The following SYCE1L variants were observed in gnomAD, a reference collection of about 807,000 sequenced individuals.
SYCE1L encodes the protein synaptonemal complex central element protein 1-like.
A neutral mutation model predicts 39.6 loss-of-function variants in SYCE1L; 51 were observed. That is an observed-to-expected ratio of 1.29 (90% confidence interval 1.03 to 1.63). SYCE1L has a LOEUF of 1.63. SYCE1L is among the 40% of genes most tolerant of loss of function. SYCE1L has a pLI of 0.00. For missense variants in SYCE1L, 426 were observed against 304.9 expected, an observed-to-expected ratio of 1.40 and a Z score of -2.96; for synonymous variants, 147 against 122.4, an observed-to-expected ratio of 1.20 and a Z score of -1.33.
At chr16:77,204,210 G>A (rs2054768732) in intron 1 of SYCE1L, among the ~76,000 whole-genome samples, 1 of 152,138 alleles carries the variant, frequency 6.6e-6, no homozygotes, top group Admixed American at 6.5e-5. Flanking sequence ...TAGCGTCTAG[G>A]TAGTACTCTA....
chr16:77,201,728 AGT>A (rs2054745392), intron 1 of SYCE1L: 1 of 152,194 alleles, frequency 6.6e-6, no homozygotes, highest in Non-Finnish European at 1.5e-5. Context: ...CATGCTGTGG[AGT>A]GTCTCTGTGG....
chr16:77,203,560 A>G (rs912954067), intron 1 of SYCE1L, among the ~76,000 whole-genome samples: 1 of 151,284 alleles, frequency 6.6e-6, no homozygotes, highest in African/African-American at 2.4e-5. Flanking sequence ...ACATGCTGTA[A>G]GTAATCCCCT....
chr16:77,212,760 C>T (rs1597040148), intron 10 of SYCE1L, 97 bp from the exon 11 acceptor site: 1 of 1,418,812 alleles, frequency 7.0e-7, no homozygotes, highest in East Asian at 2.7e-5. Flanking sequence ...AGGGCGGCCC[C>T]GGGGACAGAG....
rs147173054 is a variant in SYCE1L at position 77,203,404 on chromosome 16, T to C, written c.62-3037T>C. On this transcript the variant is annotated intron_variant, in intron 1 of 10. Transcript: ENST00000378644. ...CAAATTAAAATAATACATACTAATT[T>C]ATAAAGGATTTCAGGCCAAAAAAAA... Among the ~76,000 whole-genome samples, 337 of 130,396 alleles carry C rather than the reference T, an allele frequency of 2.6e-3. 2 individuals are homozygous for C. Among genetic ancestry groups the C allele is most frequent in the African/African-American group, 8.1e-3 (325 of 40,048 alleles). 85.5% of individuals were successfully genotyped at this position (130,396 alleles called of 152,430 possible).
rs1694615796 is a variant in SYCE1L at position 77,212,218 on chromosome 16, G to T, written c.493+19G>T. The T allele has an allele frequency of 1.3e-6, 2 of 1,544,862 alleles. No individual in the cohort carries two copies. The highest frequency in any genetic ancestry group is 2.4e-5 in the South Asian group (2 of 83,720). ...TCGGAGAGTGAGCCTCCCGCGCCAG[G>T]TGGGCGGGGGGAGGGGGATGTGCCC... On this transcript the variant is annotated intron_variant, in intron 8 of 10. Transcript: ENST00000378644.
At chr16:77,201,833 T>C (rs1166413312) in intron 1 of SYCE1L, 4 of 152,140 alleles carry the variant, frequency 2.6e-5, no homozygotes, top group Admixed American at 6.5e-5. Flanking sequence ...AATTATAAGT[T>C]GATAGGATTA....
rs2054838505 is a variant in SYCE1L, at chr16:77,213,088, C to A, written c.*157C>A. The A allele has an allele frequency of 1.3e-6, 1 of 761,662 alleles. No homozygotes were observed. Among genetic ancestry groups the A allele is most frequent in the Admixed American group, 3.9e-5 (1 of 25,656 alleles). The allele number at this position is 761,662 out of a possible 1,614,324, so 47.2% of individuals were successfully genotyped here. A position where few individuals can be genotyped will look rare whatever the true frequency, so the allele number is the denominator to read the frequency against. ...TCTCGAGGCGGGGCCTCTGCCGGACCCCTCCCACCAGTCGAGCCCCGGGCG... is the reference window on the plus strand; with the variant it reads ...TCTCGAGGCGGGGCCTCTGCCGGACACCTCCCACCAGTCGAGCCCCGGGCG... On this transcript the variant is annotated 3_prime_UTR_variant, in exon 11 of 11. Transcript: ENST00000378644.
At chr16:77,207,040 C>T (rs1437568410) in intron 2 of SYCE1L, among the ~76,000 whole-genome samples, 3 of 152,142 alleles carry the variant, frequency 2.0e-5, no homozygotes, top group Non-Finnish European at 2.9e-5. Context: ...GCAGCCTCCC[C>T]GCTCCCATTC....
At position 77,212,348 on chromosome 16, in the gene SYCE1L, G is replaced by A; in HGVS notation, c.560G>A (p.Gly187Asp). 6.5e-7 allele frequency: 1 copy of A among 1,527,738 alleles called. No individual in the cohort carries two copies. The highest frequency in any genetic ancestry group is 8.8e-7 in the Non-Finnish European group (1 of 1,138,714). 94.6% of individuals were successfully genotyped at this position (1,527,738 alleles called of 1,614,324 possible). A position where few individuals can be genotyped will look rare whatever the true frequency, so the allele number is the denominator to read the frequency against. ...RRLHSPPEVE[G>D]AMAVNDGLKA... ...CTGCACTCGCCGCCTGAGGTCGAGG[G>A]CGCCATGGCGGTGAATGACGGGTGA... The change falls in exon 9 of 11, where the codon GGC (glycine) becomes GAC (aspartate). Residue 187 changes from glycine (G) to aspartate (D), a missense_variant. Transcript: ENST00000378644.
At position 77,208,231 on chromosome 16, in the gene SYCE1L, T is replaced by C; in HGVS notation, c.143T>C (p.Ile48Thr). Residue 48 changes from isoleucine to threonine, a missense_variant, in exon 3 of 11, where the codon ATA becomes ACA. Coordinates refer to ENST00000378644, the MANE Select transcript of SYCE1L (RefSeq NM_001129979.3). ...LQKEGSLEPQ[I>T]EDLISRINDL... ...TCAGAGGGAAGCCTGGAGCCACAGA[T>C]AGAGGACCTGATTAGCCGGATTAAT... 2 of 1,551,692 alleles carry C rather than the reference T, an allele frequency of 1.3e-6. No individual in the cohort carries two copies. The highest frequency in any genetic ancestry group is 1.7e-6 in the Non-Finnish European group (2 of 1,146,994).
intron 6 of SYCE1L, among the ~76,000 whole-genome samples, chr16:77,210,712 T>G (rs1326802853): frequency 6.6e-6 from 1 of 152,020 alleles, no homozygotes; most frequent in African/African-American, 2.4e-5. Flanking sequence ...GAAGGCAGAG[T>G]TCATTCCATG....
In SYCE1L at chr16:77,213,124, G is replaced by A. The variant is rs2054839021; in HGVS notation, c.*193G>A. On this transcript the variant is annotated 3_prime_UTR_variant, in exon 11 of 11. Coordinates refer to ENST00000378644, the MANE Select transcript of SYCE1L (RefSeq NM_001129979.3). Reference sequence around the variant, plus strand: ...GTCGAGCCCCGGGCGCCGTACAGAGGCTGGGTAAATGCTCCTGAACTCAGA... The same window carrying A: ...GTCGAGCCCCGGGCGCCGTACAGAGACTGGGTAAATGCTCCTGAACTCAGA... 4.1e-6 allele frequency: 2 copies of A among 488,522 alleles called. No homozygotes were observed. The highest frequency in any genetic ancestry group is 6.9e-6 in the Non-Finnish European group (2 of 291,896). 30.3% of individuals were successfully genotyped at this position (488,522 alleles called of 1,614,324 possible).
intron 1 of SYCE1L, chr16:77,200,232 G>GTGTC (rs1356340224): frequency 1.5e-5 from 2 of 132,130 alleles, no homozygotes; most frequent in African/African-American, 5.7e-5. Flanking sequence ...GTATGTGTGT[G>GTGTC]TATATATATA....
At position 77,212,949 on chromosome 16, in the gene SYCE1L, G is replaced by A; in HGVS notation, c.*18G>A. On this transcript the variant is annotated 3_prime_UTR_variant, in exon 11 of 11. Transcript: ENST00000378644. The stretch of plus-strand genomic sequence containing the variant: ...CCCTCTAGGCCAGCAGGACCCGCCC[G>A]TTCCCGACCTTCCCTCGAGACCCGC... 6.7e-7 allele frequency: 1 copy of A among 1,484,342 alleles called. No individual in the cohort carries two copies. 91.9% of individuals were successfully genotyped at this position (1,484,342 alleles called of 1,614,324 possible). A position where few individuals can be genotyped will look rare whatever the true frequency, so the allele number is the denominator to read the frequency against.
intron 1 of SYCE1L, among the ~76,000 whole-genome samples, chr16:77,205,106 A>T (rs141838774): frequency 3.5e-4 from 53 of 151,742 alleles, no homozygotes; most frequent in African/African-American, 1.1e-3. Flanking sequence ...TATACATTGA[A>T]TTATCTCCAG....
chr16:77,212,810 C>T (rs576192740), intron 10 of SYCE1L, 47 bp from the exon 11 acceptor site: 11 of 1,436,974 alleles, frequency 7.7e-6, no homozygotes, highest in Non-Finnish European at 1.0e-5. Flanking sequence ...CGGGCGGACG[C>T]GAGGAGCGTA....
intron 10 of SYCE1L, 65 bp from the exon 11 acceptor site, chr16:77,212,792 G>T (rs2054835042): frequency 7.0e-7 from 1 of 1,433,548 alleles, no homozygotes; most frequent in South Asian, 1.4e-5. Flanking sequence ...GGAGGCCTAG[G>T]GCAGACGCGG....
At position 77,212,943 on chromosome 16, in the gene SYCE1L, C is replaced by G; in HGVS notation, c.*12C>G. 6.7e-7 allele frequency: 1 copy of G among 1,491,988 alleles called. No homozygotes were observed. The allele number at this position is 1,491,988 out of a possible 1,614,324, so 92.4% of individuals were successfully genotyped here. On this transcript the variant is annotated 3_prime_UTR_variant, in exon 11 of 11. Transcript: ENST00000378644. ...CTGACGCCCTCTAGGCCAGCAGGAC[C>G]CGCCCGTTCCCGACCTTCCCTCGAG...
At chr16:77,206,365 C>T in intron 1 of SYCE1L, 76 bp from the exon 2 acceptor site, 2 of 1,366,696 alleles carry the variant, frequency 1.5e-6, no homozygotes. Flanking sequence ...GCAGAGCCCA[C>T]TGGGACTTCC....
Sources: gnomAD v4.1 joint callset for allele counts (sites outside exome capture counted in the v4.1 genomes callset) on GRCh38, gnomAD v4.1.1 for gene constraint, MANE v1.5 for transcripts, NCBI Gene and HGNC (gene_info 2026-07-23, HGNC 2026-07-21) for gene names.